The following PTPRD variants were observed in gnomAD, a reference collection of about 807,000 sequenced individuals.
The protein encoded by PTPRD is protein tyrosine phosphatase receptor type D.
A neutral mutation model predicts 214.5 loss-of-function variants in PTPRD; 34 were observed. That is an observed-to-expected ratio of 0.16 (90% CI 0.12 to 0.21). The LOEUF (loss-of-function observed/expected upper bound fraction) is 0.21, where lower values mean the gene tolerates loss of function less well. PTPRD is among the 10% of genes least tolerant of loss of function. The pLI is 1.00. For synonymous variants in PTPRD, 1,128 were observed against 845.7 expected (o/e 1.33, Z -5.79); for missense variants, 2,545 against 2,398.7 (o/e 1.06, Z -1.27).
At chr9:9,443,158 T>A (rs1336424867) in intron 8 of PTPRD, among the ~76,000 whole-genome samples, 1 of 152,102 alleles carries the variant, frequency 6.6e-6, no homozygotes, top group Admixed American at 6.6e-5. Context: ...TAATATCCAT[T>A]CCTCTTTAAA....
rs1255962975 is a variant in PTPRD, at chr9:9,595,173, T to C, written c.-286-20392A>G. On this transcript the variant is annotated intron_variant, in intron 7 of 45. Coordinates refer to ENST00000381196, the MANE Select transcript of PTPRD (RefSeq NM_002839.4). ...CCAGTGCAACCGCTATGGAAAACAG[T>C]GTGGAGATTCCTTAAATAACTAAAA... 2.6e-5 allele frequency among the ~76,000 whole-genome samples: 4 copies of C among 151,398 alleles called. No homozygotes were observed. The Admixed American group carries it at 2.6e-4, about 10-fold the overall frequency.
rs553168771 is a variant in PTPRD at position 8,567,687 on chromosome 9, G to A, written c.353-38908C>T. The stretch of plus-strand genomic sequence containing the variant: ...TGAGCTCAGTAAATTCAGTATTTTT[G>A]GTACACAGTAGATATTTTTAAATGC... On this transcript the variant is annotated intron_variant, in intron 14 of 45. Coordinates refer to ENST00000381196, the MANE Select transcript of PTPRD (RefSeq NM_002839.4). Among the ~76,000 whole-genome samples the A allele has an allele frequency of 3.3e-5, 5 of 152,144 alleles. No homozygotes were observed. In the Middle Eastern group the frequency reaches 0.014, roughly 414 times the overall value.
chr9:10,222,409 C>T (rs1220651699), intron 3 of PTPRD, among the ~76,000 whole-genome samples: 1 of 152,056 alleles, frequency 6.6e-6, no homozygotes, highest in South Asian at 2.1e-4. Context: ...TTTGGGTCAA[C>T]TTTACCTCAG....
intron 9 of PTPRD, among the ~76,000 whole-genome samples, chr9:9,283,767 G>A (rs986768870): frequency 1.5e-4 from 22 of 151,576 alleles, no homozygotes; most frequent in Admixed American, 1.4e-3. Flanking sequence ...CTCTCTAATT[G>A]GACTGCATTA....
At chr9:8,529,597 GA>G (rs2075150838) in intron 14 of PTPRD, among the ~76,000 whole-genome samples, 1 of 152,028 alleles carries the variant, frequency 6.6e-6, no homozygotes, top group African/African-American at 2.4e-5. Context: ...TACCCACATC[GA>G]AACTGTTCCA....
rs925529077 is a variant in PTPRD, at chr9:9,431,384, C to T, written c.-236-33902G>A. Among the ~76,000 whole-genome samples the T allele has an allele frequency of 1.4e-4, 22 of 152,118 alleles. 1 individual carries two copies. Among genetic ancestry groups the T allele is most frequent in the African/African-American group, 5.3e-4 (22 of 41,516 alleles). On this transcript the variant is annotated intron_variant, in intron 8 of 45. Coordinates refer to ENST00000381196, the MANE Select transcript of PTPRD (RefSeq NM_002839.4). Reference sequence around the variant, plus strand: ...ATCTCACACCAGTTAGAATGGCGATCATTAAAAAGTCAGGAAACAACAGGT... The same window carrying T: ...ATCTCACACCAGTTAGAATGGCGATTATTAAAAAGTCAGGAAACAACAGGT...
intron 6 of PTPRD, among the ~76,000 whole-genome samples, chr9:9,753,364 A>ACCCGC (rs1358065320): frequency 6.6e-6 from 1 of 151,878 alleles, no homozygotes; most frequent in African/African-American, 2.4e-5. Context: ...TTATAGCTGG[A>ACCCGC]CCCGCCAGAG....
chr9:9,780,392 A>T (rs911857735), intron 5 of PTPRD, among the ~76,000 whole-genome samples: 5 of 152,224 alleles, frequency 3.3e-5, no homozygotes, highest in African/African-American at 1.2e-4. Flanking sequence ...AAATTTTAAA[A>T]TTAAAAAAAT....
intron 14 of PTPRD, among the ~76,000 whole-genome samples, chr9:8,530,068 T>C (rs2075290591): frequency 1.3e-5 from 2 of 152,036 alleles, no homozygotes. Context: ...CGCTTCTCCT[T>C]GGGTGCCTCC....
At chr9:9,309,698 A>C (rs938253169) in intron 9 of PTPRD, among the ~76,000 whole-genome samples, 1 of 152,176 alleles carries the variant, frequency 6.6e-6, no homozygotes, top group Non-Finnish European at 1.5e-5. Context: ...TTTGCAGAGA[A>C]TATTTGAAAA....
Position 9,968,825 on chromosome 9 carries a change from A to G in PTPRD, c.-471-30215T>C, listed in dbSNP as rs560268608. 6.6e-5 allele frequency among the ~76,000 whole-genome samples: 10 copies of G among 152,310 alleles called. No homozygotes were observed. The South Asian group carries it at 2.1e-3, about 32-fold the overall frequency. ...TTGGCATTAGAGAACGAGAAAGGAAAGAAAACTTAATGAAAAAGAACCAAA... is the reference window on the plus strand; with the variant it reads ...TTGGCATTAGAGAACGAGAAAGGAAGGAAAACTTAATGAAAAAGAACCAAA... On this transcript the variant is annotated intron_variant, in intron 4 of 45. Transcript: ENST00000381196.
intron 4 of PTPRD, among the ~76,000 whole-genome samples, chr9:9,974,064 G>A (rs901410152): frequency 6.6e-6 from 1 of 152,100 alleles, no homozygotes; most frequent in African/African-American, 2.4e-5. Context: ...TTATATTATG[G>A]AAACAGCTTT....
At chr9:8,780,557 T>C (rs1402966257) in intron 11 of PTPRD, among the ~76,000 whole-genome samples, 1 of 152,144 alleles carries the variant, frequency 6.6e-6, no homozygotes, top group Admixed American at 6.5e-5. Context: ...ATGTCCATGG[T>C]AGTTTCTGCC....
chr9:8,684,712 A>C (rs2097642703), intron 12 of PTPRD, among the ~76,000 whole-genome samples: 1 of 152,202 alleles, frequency 6.6e-6, no homozygotes, highest in Admixed American at 6.5e-5. Flanking sequence ...TATTTACAAG[A>C]AGACACCTAT....
rs202207440 is a variant in PTPRD, at chr9:10,355,741, G to A, written c.-599-14724C>T. Among the ~76,000 whole-genome samples, 8 of 152,038 alleles carry A rather than the reference G, an allele frequency of 5.3e-5. No individual in the cohort carries two copies. The East Asian group carries it at 1.5e-3, about 29-fold the overall frequency. On this transcript the variant is annotated intron_variant, in intron 2 of 45. Transcript: ENST00000381196. Reference sequence around the variant, plus strand: ...GATCCGCCCACCTCGGCCTCCCAAAGCGCTGGGATTACAGGCGTGAGCCAC... The same window carrying A: ...GATCCGCCCACCTCGGCCTCCCAAAACGCTGGGATTACAGGCGTGAGCCAC...
rs373188633 is a variant in PTPRD, at chr9:9,110,865, C to G, written c.-143+72439G>C. On this transcript the variant is annotated intron_variant, in intron 10 of 45. Coordinates refer to ENST00000381196, the MANE Select transcript of PTPRD (RefSeq NM_002839.4). ...TTACTAGAATGTAGCCACAATCATTCATTTTCATATCACCTGTGGCTTTTG... is the reference window on the plus strand; with the variant it reads ...TTACTAGAATGTAGCCACAATCATTGATTTTCATATCACCTGTGGCTTTTG... 5.7e-4 allele frequency among the ~76,000 whole-genome samples: 87 copies of G among 152,274 alleles called. No homozygotes were observed. The South Asian group carries it at 0.017, about 30-fold the overall frequency.
intron 14 of PTPRD, among the ~76,000 whole-genome samples, chr9:8,539,305 C>T (rs1283802092): frequency 6.6e-6 from 1 of 151,978 alleles, no homozygotes; most frequent in Admixed American, 6.6e-5. Context: ...AAGTCTTAAG[C>T]ATCTCCTAGA....
intron 9 of PTPRD, among the ~76,000 whole-genome samples, chr9:9,312,552 A>G (rs1056586557): frequency 6.6e-6 from 1 of 152,094 alleles, no homozygotes; most frequent in Admixed American, 6.6e-5. Flanking sequence ...GTTTCCGCCT[A>G]CATCCCAAAG....
intron 12 of PTPRD, among the ~76,000 whole-genome samples, chr9:8,677,768 A>G (rs1025503647): frequency 6.6e-6 from 1 of 152,202 alleles, no homozygotes; most frequent in African/African-American, 2.4e-5. Flanking sequence ...TGATTTCCCC[A>G]TGACAATCTG....
Sources: allele counts gnomAD v4.1 joint callset (sites outside exome capture counted in the v4.1 genomes callset), GRCh38; gene constraint gnomAD v4.1.1; transcripts MANE v1.5; gene names NCBI Gene and HGNC (gene_info 2026-07-23, HGNC 2026-07-21).